Variants in CDH7 observed in about 807,000 individuals in gnomAD.
The protein encoded by CDH7 is cadherin-7.
In CDH7, 25 loss-of-function variants were observed where a neutral mutation model predicts 71.8. The observed-to-expected ratio is 0.35, with a 90% CI of 0.25 to 0.49. CDH7 has a LOEUF of 0.49. Among genes scored for constraint, CDH7 ranks in the 20% least tolerant of loss-of-function variants. The probability of loss-of-function intolerance (pLI) is 0.99; values close to 1 mark genes in which losing one functional copy is unlikely to be tolerated. For synonymous variants in CDH7, 381 were observed against 363.8 expected (o/e 1.05, Z -0.54); for missense variants, 862 against 974.6 (o/e 0.88, Z 1.54).
In CDH7 at chr18:65,778,529, C is replaced by CTTTTTTT. The variant is rs1156727313; in HGVS notation, c.210+15491_210+15497dup. On this transcript the variant is annotated intron_variant, in intron 2 of 11. Coordinates refer to ENST00000397968, the MANE Select transcript of CDH7 (RefSeq NM_004361.5). ...AATTTTTTGCCCCAGGCGTCTCACT[C>CTTTTTTT]TTTTTTTTTTTTTTTTTTTTACATA... 7.2e-3 allele frequency among the ~76,000 whole-genome samples: 603 copies of CTTTTTTT among 84,240 alleles called. 38 individuals carry two copies. Among genetic ancestry groups the CTTTTTTT allele is most frequent in the African/African-American group, 0.025 (572 of 22,546 alleles). The allele number at this position is 84,240 out of a possible 152,430, so 55.3% of individuals were successfully genotyped here. A position where few individuals can be genotyped will look rare whatever the true frequency, so the allele number is the denominator to read the frequency against.
At chr18:65,857,525 A>T (rs1913408676) in intron 7 of CDH7, among the ~76,000 whole-genome samples, 1 of 151,722 alleles carries the variant, frequency 6.6e-6, no homozygotes, top group Admixed American at 6.6e-5. Context: ...AATAATAGTA[A>T]TAATAATGAA....
chr18:65,871,888 A>C (rs969378566), intron 11 of CDH7, among the ~76,000 whole-genome samples: 3 of 152,180 alleles, frequency 2.0e-5, no homozygotes, highest in African/African-American at 7.2e-5. Flanking sequence ...CCAAAGAGAT[A>C]GATGAGAGAT....
intron 1 of CDH7, among the ~76,000 whole-genome samples, chr18:65,755,968 AAAAC>A (rs1916016459): frequency 6.6e-6 from 1 of 152,134 alleles, no homozygotes; most frequent in Non-Finnish European, 1.5e-5. Flanking sequence ...TAGACTATAC[AAAAC>A]AAACAAAAAA....
chr18:65,785,969 G>A (rs548837382), intron 2 of CDH7, among the ~76,000 whole-genome samples: 1 of 152,308 alleles, frequency 6.6e-6, no homozygotes, highest in Admixed American at 6.5e-5. Context: ...TACATGTGGT[G>A]TTGATTGCAC....
At position 65,814,565 on chromosome 18, in the gene CDH7, C is replaced by G; in HGVS notation, c.586C>G (p.Leu196Val). 4 of 1,613,540 alleles carry G rather than the reference C, an allele frequency of 2.5e-6. No individual in the cohort carries two copies. The highest frequency in any genetic ancestry group is 3.4e-6 in the Non-Finnish European group (4 of 1,179,684). Residue 196 changes from leucine (L) to valine (V), a missense_variant, in exon 4 of 12, where the codon CTG (leucine) becomes GTG (valine). Leu to Val is a conservative substitution (Grantham distance 32). Transcript: ENST00000397968. ...GNSARVVYSI[L>V]QGQPYFSVEP... is the part of the protein sequence containing the mutation. ...CAGTGCCAGAGTGGTCTACAGTATT[C>G]TGCAAGGACAGCCGTACTTCTCAGT... is the stretch of plus-strand genomic sequence containing the variant.
chr18:65,884,662 GTGT>G lies in CDH7; in HGVS notation c.*3773_*3775del, dbSNP rs10569342. The G allele has an allele frequency of 0.76, 115,805 of 151,718 alleles. 44,435 individuals carry two copies. Among genetic ancestry groups the G allele is most frequent in the East Asian group, 0.97 (4,996 of 5,168 alleles). 9.4% of individuals were successfully genotyped at this position (151,718 alleles called of 1,614,324 possible). A position where few individuals can be genotyped will look rare whatever the true frequency, so the allele number is the denominator to read the frequency against. On this transcript the variant is annotated 3_prime_UTR_variant, in exon 12 of 12. Coordinates refer to ENST00000397968, the MANE Select transcript of CDH7 (RefSeq NM_004361.5). ...TGCCCAAGAAATGCAAATGCAAATA[GTGT>G]TGTTAGCATTTATATTGAAATATAA...
At position 65,844,927 on chromosome 18, in the gene CDH7, CAAT is replaced by C. The variant is rs559019768; in HGVS notation, c.1235+863_1235+865del. On this transcript the variant is annotated intron_variant, in intron 7 of 11. Coordinates refer to ENST00000397968, the MANE Select transcript of CDH7 (RefSeq NM_004361.5). ...TATAACGTAAAAATAAATAAAACAA[CAAT>C]GATTGTTTTATCTTCAGATATGTTC... Among the ~76,000 whole-genome samples, 496 of 151,982 alleles carry C rather than the reference CAAT, an allele frequency of 3.3e-3. 1 individual carries two copies. The highest frequency in any genetic ancestry group is 0.024 in the Middle Eastern group (7 of 294).
intron 6 of CDH7, among the ~76,000 whole-genome samples, chr18:65,836,249 T>C (rs964845449): frequency 2.0e-5 from 3 of 152,136 alleles, no homozygotes; most frequent in Non-Finnish European, 4.4e-5. Context: ...AATTAATTAA[T>C]GCAGAAGTCA....
chr18:65,814,041 T>G (rs1484900741), intron 3 of CDH7, among the ~76,000 whole-genome samples: 5 of 152,216 alleles, frequency 3.3e-5, no homozygotes, highest in Non-Finnish European at 7.3e-5. Context: ...TATCTGGATC[T>G]TCTTAACTAT....
At chr18:65,772,088 A>G (rs1353688444) in intron 2 of CDH7, among the ~76,000 whole-genome samples, 1 of 152,184 alleles carries the variant, frequency 6.6e-6, no homozygotes, top group African/African-American at 2.4e-5. Context: ...AAATGCTGAC[A>G]TGTTTTAAGG....
chr18:65,776,338 T>C (rs1051875917), intron 2 of CDH7, among the ~76,000 whole-genome samples: 1 of 135,092 alleles, frequency 7.4e-6, no homozygotes, highest in African/African-American at 2.8e-5. Flanking sequence ...GCTTTTCAAA[T>C]CACACATTTG....
At chr18:65,869,282 G>A (rs111812201) in intron 11 of CDH7, among the ~76,000 whole-genome samples, 5 of 150,614 alleles carry the variant, frequency 3.3e-5, no homozygotes, top group Admixed American at 2.0e-4. Context: ...GAACCAATCC[G>A]TCAGTATTTC....
chr18:65,811,645 T>G (rs996886629), intron 3 of CDH7, among the ~76,000 whole-genome samples: 4 of 152,084 alleles, frequency 2.6e-5, no homozygotes, highest in Non-Finnish European at 5.9e-5. Flanking sequence ...CCTCCCCAGA[T>G]TAGTAACGTT....
intron 2 of CDH7, among the ~76,000 whole-genome samples, chr18:65,777,893 G>A (rs1910008996): frequency 6.6e-6 from 1 of 152,054 alleles, no homozygotes; most frequent in Admixed American, 6.6e-5. Flanking sequence ...TATTTTTCAG[G>A]GGCTAAATGA....
intron 2 of CDH7, among the ~76,000 whole-genome samples, chr18:65,791,341 A>G (rs1361508885): frequency 2.0e-5 from 3 of 152,168 alleles, no homozygotes; most frequent in African/African-American, 7.2e-5. Flanking sequence ...TGTTCTTTCT[A>G]TGTGATGTTC....
At chr18:65,868,565 G>T (rs1175468087) in intron 11 of CDH7, among the ~76,000 whole-genome samples, 1 of 152,180 alleles carries the variant, frequency 6.6e-6, no homozygotes, top group African/African-American at 2.4e-5. Context: ...CAAATTAGGT[G>T]CAGGAGTATC....
chr18:65,763,293 C>T (rs1916257089), intron 2 of CDH7, among the ~76,000 whole-genome samples: 1 of 152,124 alleles, frequency 6.6e-6, no homozygotes, highest in African/African-American at 2.4e-5. Context: ...TTCCTAGAAA[C>T]AGATGAGGAT....
At chr18:65,855,744 C>T (rs1913331079) in intron 7 of CDH7, among the ~76,000 whole-genome samples, 1 of 152,102 alleles carries the variant, frequency 6.6e-6, no homozygotes, top group Non-Finnish European at 1.5e-5. Flanking sequence ...AACTTTTTTA[C>T]AAGTACAGCC....
chr18:65,803,262 C>T (rs770220066), intron 2 of CDH7: 2 of 151,976 alleles, frequency 1.3e-5, no homozygotes, highest in Non-Finnish European at 2.9e-5. Flanking sequence ...GAAAATGGAC[C>T]GTGACCCCCT....
Sources: allele counts gnomAD v4.1 joint callset (sites outside exome capture counted in the v4.1 genomes callset), GRCh38; gene constraint gnomAD v4.1.1; transcripts MANE v1.5; gene names NCBI Gene and HGNC (gene_info 2026-07-23, HGNC 2026-07-21).